Variants in KCNC1 observed in about 807,000 individuals in gnomAD.
KCNC1 encodes the protein voltage-gated potassium channel KCNC1.
A neutral mutation model predicts 43.4 loss-of-function variants in KCNC1; 8 were observed. The observed-to-expected ratio is 0.18, with a 90% CI of 0.11 to 0.33. KCNC1 has a LOEUF of 0.33. KCNC1 is among the 10% of genes least tolerant of loss of function. KCNC1 has a pLI of 1.00. For missense variants in KCNC1, 420 were observed against 836.0 expected, an observed-to-expected ratio of 0.50 and a Z score of 6.14; for synonymous variants, 361 against 360.5, an observed-to-expected ratio of 1.00 and a Z score of -0.01.
Position 17,777,953 on chromosome 11 carries a change from CA to C in KCNC1, c.1505-1502del. ...TGTAGTTACATGATGTGAACAGGAT[CA>C]CGGGAGAGTGTTCAATCGGGTGGAC... On this transcript the variant is annotated intron_variant, in intron 2 of 3. Transcript: ENST00000265969. This position sits in a 1 kb window ranked among gnomAD's most constrained non-coding sequence, Gnocchi z 4.3. The C allele has an allele frequency of 1.2e-5, 7 of 589,162 alleles. No individual in the cohort carries two copies. Among genetic ancestry groups the C allele is most frequent in the Non-Finnish European group, 1.3e-5 (6 of 467,872 alleles). 36.5% of individuals were successfully genotyped at this position (589,162 alleles called of 1,614,324 possible).
rs940840307 is a variant in KCNC1, at chr11:17,777,700, C to T, written c.1505-1756C>T. ...GGGAAGTGAAGCCCCTGGGATTTGT[C>T]GAGAAACGCACTGTACGTGAAATGC... On this transcript the variant is annotated intron_variant, in intron 2 of 3. Transcript: ENST00000265969. This position sits in a 1 kb window ranked among gnomAD's most constrained non-coding sequence, Gnocchi z 4.3. 6.6e-5 allele frequency: 65 copies of T among 985,762 alleles called. No individual in the cohort carries two copies. Among genetic ancestry groups the T allele is most frequent in the Non-Finnish European group, 7.0e-5 (58 of 829,958 alleles). 61.1% of individuals were successfully genotyped at this position (985,762 alleles called of 1,614,324 possible). A position where few individuals can be genotyped will look rare whatever the true frequency, so the allele number is the denominator to read the frequency against.
chr11:17,747,233 G>A (rs1848910617), intron 1 of KCNC1, among the ~76,000 whole-genome samples: 1 of 152,134 alleles, frequency 6.6e-6, no homozygotes, highest in Non-Finnish European at 1.5e-5. Context: ...AGCTCCCTGT[G>A]TGTCCTGGGC....
In KCNC1 at chr11:17,776,185, TTC is replaced by T. The variant is rs1849285195; in HGVS notation, c.1505-3265_1505-3264del. 3.0e-6 allele frequency: 3 copies of T among 985,426 alleles called. No homozygotes were observed. In the African/African-American group the frequency reaches 5.2e-5, roughly 17 times the overall value. 61.0% of individuals were successfully genotyped at this position (985,426 alleles called of 1,614,324 possible). A position where few individuals can be genotyped will look rare whatever the true frequency, so the allele number is the denominator to read the frequency against. On this transcript the variant is annotated intron_variant, in intron 2 of 3. Transcript: ENST00000265969. The surrounding 1 kb of genome is among the most constrained non-coding windows in gnomAD (Gnocchi z 4.4). ...TGTTCTTTTCCGTGTTGTTCACATT[TTC>T]TCTCTTTCTCTCTCTCTCCACTAAT...
chr11:17,764,124 G>GAC (rs201551375), intron 1 of KCNC1, among the ~76,000 whole-genome samples: 2 of 91,536 alleles, frequency 2.2e-5, no homozygotes, highest in African/African-American at 4.4e-5. Flanking sequence ...CGTCTCCATA[G>GAC]ACACACACAC....
chr11:17,780,061 A>T (rs1320396771), intron 3 of KCNC1: 1 of 159,462 alleles, frequency 6.3e-6, no homozygotes, highest in Non-Finnish European at 1.4e-5. Flanking sequence ...GGACCCTGTG[A>T]ACTTAGCTAC....
chr11:17,750,870 A>C (rs564760708), intron 1 of KCNC1, among the ~76,000 whole-genome samples: 62 of 152,316 alleles, frequency 4.1e-4, no homozygotes, highest in African/African-American at 1.3e-3. Context: ...ATGCTTCCAG[A>C]AAACCTTTCC....
intron 1 of KCNC1, chr11:17,765,838 G>GA (rs1411434253): frequency 6.6e-6 from 1 of 152,350 alleles, no homozygotes; most frequent in Non-Finnish European, 1.5e-5. Context: ...TGGATCCTGG[G>GA]TGTGGTGGGA....
chr11:17,756,831 G>A (rs1016863330), intron 1 of KCNC1, among the ~76,000 whole-genome samples: 1 of 152,200 alleles, frequency 6.6e-6, no homozygotes, highest in African/African-American at 2.4e-5. Context: ...TCATCATAAT[G>A]GGAAGATAAA....
intron 1 of KCNC1, among the ~76,000 whole-genome samples, chr11:17,760,694 C>T (rs1849067639): frequency 6.6e-6 from 1 of 152,322 alleles, no homozygotes; most frequent in South Asian, 2.1e-4. Flanking sequence ...ATGGTGGGAC[C>T]TCTGCACGCG....
At position 17,736,399 on chromosome 11, in the gene KCNC1, G is replaced by C. The variant is rs1251961765; in HGVS notation, c.397G>C (p.Asp133His). ...CGCTCCTCTGGACAACAGCGCCGAC[G>C]ACGCGGACGCCGACGGCCCTGGCGA... ...GGAPLDNSAD[D>H]ADADGPGDSG... The change falls in exon 1 of 4, where the codon GAC becomes CAC. Residue 133 changes from aspartate to histidine, a missense_variant. By Grantham distance (81) the Asp-to-His change is moderately conservative (BLOSUM62 -1). Around this residue, in one of 5 missense-constraint regions of KCNC1, gnomAD observed 151 missense variants for 216.7 expected, o/e 0.70. Transcript: ENST00000265969. The surrounding 1 kb of genome is among the most constrained non-coding windows in gnomAD (Gnocchi z 9.3). 1 of 1,609,646 alleles carries C rather than the reference G, an allele frequency of 6.2e-7. No homozygotes were observed. The highest frequency in any genetic ancestry group is 8.5e-7 in the Non-Finnish European group (1 of 1,178,650).
rs1046505887 is a variant in KCNC1, at chr11:17,776,234, G to A, written c.1505-3222G>A. ...TAATCATGTTTCTCTCTCTCTCCTC[G>A]TTTTGTTGCATGACTTGTGCCGGTT... is the stretch of plus-strand genomic sequence containing the variant. On this transcript the variant is annotated intron_variant, in intron 2 of 3. Coordinates refer to ENST00000265969, the MANE Select transcript of KCNC1 (RefSeq NM_001112741.2). The surrounding 1 kb of genome is among the most constrained non-coding windows in gnomAD (Gnocchi z 4.4). 4.1e-6 allele frequency: 4 copies of A among 984,976 alleles called. No homozygotes were observed. The highest frequency in any genetic ancestry group is 1.8e-5 in the African/African-American group (1 of 57,084). 61.0% of individuals were successfully genotyped at this position (984,976 alleles called of 1,614,324 possible). A position where few individuals can be genotyped will look rare whatever the true frequency, so the allele number is the denominator to read the frequency against.
rs758320453 is a variant in KCNC1 at position 17,772,315 on chromosome 11, C to T, written c.1221C>T (p.Tyr407=). 1 of 1,614,184 alleles carries T rather than the reference C, an allele frequency of 6.2e-7. No homozygotes were observed. The highest frequency in any genetic ancestry group is 1.3e-5 in the African/African-American group (1 of 75,046). ...TMTTLGYGDM[Y]PQTWSGMLVG... ...CGACCCTGGGCTATGGAGACATGTA[C>T]CCGCAGACGTGGTCCGGCATGCTGG... The change falls in exon 2 of 4, where the codon TAC becomes TAT. Residue 407 remains tyrosine (Y), a synonymous_variant. Coordinates refer to ENST00000265969, the MANE Select transcript of KCNC1 (RefSeq NM_001112741.2).
At chr11:17,757,190 G>A (rs1048475780) in intron 1 of KCNC1, among the ~76,000 whole-genome samples, 21 of 147,106 alleles carry the variant, frequency 1.4e-4, no homozygotes, top group Admixed American at 1.2e-3. Context: ...GGATTAAAAA[G>A]GGTAAAATGT....
At chr11:17,741,069 CCAT>C (rs1848835409) in intron 1 of KCNC1, among the ~76,000 whole-genome samples, 1 of 151,886 alleles carries the variant, frequency 6.6e-6, no homozygotes, top group South Asian at 2.1e-4. Flanking sequence ...AGTCATGGTA[CCAT>C]ATGAAGGAGA....
At chr11:17,740,410 G>C (rs1488060292) in intron 1 of KCNC1, among the ~76,000 whole-genome samples, 3 of 152,130 alleles carry the variant, frequency 2.0e-5, no homozygotes. Flanking sequence ...AACCTTTGAG[G>C]GGCAGGGAGG....
Position 17,777,454 on chromosome 11 carries a change from T to C in KCNC1, c.1505-2002T>C. The C allele has an allele frequency of 1.0e-6, 1 of 985,928 alleles. No individual in the cohort carries two copies. Among genetic ancestry groups the C allele is most frequent in the Non-Finnish European group, 1.2e-6 (1 of 829,990 alleles). 61.1% of individuals were successfully genotyped at this position (985,928 alleles called of 1,614,324 possible). A position where few individuals can be genotyped will look rare whatever the true frequency, so the allele number is the denominator to read the frequency against. The stretch of plus-strand genomic sequence containing the variant: ...AACCCCCACATCGTCATCCGCGTCC[T>C]CTCCATACTGTTTCCCTCCCCTCTC... On this transcript the variant is annotated intron_variant, in intron 2 of 3. Coordinates refer to ENST00000265969, the MANE Select transcript of KCNC1 (RefSeq NM_001112741.2). The surrounding 1 kb of genome is among the most constrained non-coding windows in gnomAD (Gnocchi z 4.3).
At chr11:17,766,225 T>C (rs894617766) in intron 1 of KCNC1, among the ~76,000 whole-genome samples, 3 of 152,216 alleles carry the variant, frequency 2.0e-5, no homozygotes. Flanking sequence ...CCCAAGTGTT[T>C]CTGGTGGTGT....
intron 1 of KCNC1, among the ~76,000 whole-genome samples, chr11:17,768,998 G>A (rs146598896): frequency 0.01 from 1,540 of 152,320 alleles, 17 homozygotes; most frequent in African/African-American, 0.013. Flanking sequence ...GCCTCTTCCC[G>A]TTGCTTCTAC....
intron 1 of KCNC1, among the ~76,000 whole-genome samples, chr11:17,752,446 A>G (rs570014981): frequency 3.3e-5 from 5 of 152,334 alleles, no homozygotes; most frequent in African/African-American, 1.2e-4. Flanking sequence ...GACTAAGACA[A>G]CAAGGGAACG....
Sources: gnomAD v4.1 joint callset for allele counts (sites outside exome capture counted in the v4.1 genomes callset) on GRCh38, gnomAD v4.1.1 for gene constraint, gnomAD v4.1.1 regional missense constraint, Gnocchi (gnomAD v3.1) non-coding constraint, MANE v1.5 for transcripts, NCBI Gene and HGNC (gene_info 2026-07-23, HGNC 2026-07-21) for gene names.